Variants in FBXL7 observed in about 807,000 individuals in gnomAD.
The protein encoded by FBXL7 is F-box and leucine rich repeat protein 7.
A neutral mutation model predicts 38.3 loss-of-function variants in FBXL7; 12 were observed. The ratio of observed to expected loss-of-function variants is 0.31; its 90% confidence interval spans 0.20 to 0.51. The LOEUF (loss-of-function observed/expected upper bound fraction) is 0.51, where lower values mean the gene tolerates loss of function less well. FBXL7 is among the 20% of genes least tolerant of loss of function. The probability of loss-of-function intolerance (pLI) is 0.98; values close to 1 mark genes in which losing one functional copy is unlikely to be tolerated. For missense variants in FBXL7, 567 were observed against 676.4 expected (o/e 0.84, Z 1.79); for synonymous variants, 297 against 300.9 (o/e 0.99, Z 0.13).
intron 2 of FBXL7, among the ~76,000 whole-genome samples, chr5:15,862,579 A>G (rs988093346): frequency 6.6e-6 from 1 of 152,190 alleles, no homozygotes; most frequent in African/African-American, 2.4e-5. Flanking sequence ...TCTGTAGAGT[A>G]CCTGAGGTTC....
intron 1 of FBXL7, among the ~76,000 whole-genome samples, chr5:15,580,035 G>A (rs941731588): frequency 2.6e-5 from 4 of 152,136 alleles, no homozygotes; most frequent in African/African-American, 9.7e-5. Flanking sequence ...CCCAATTCAT[G>A]TGTTTAAGCT....
chr5:15,500,691 T>C lies in FBXL7; in HGVS notation c.15T>C (p.Asn5=), dbSNP rs772333735. MGAN[N]GKQYGSEGKG... The stretch of plus-strand genomic sequence containing the variant: ...ACGGCTACAGGATGGGCGCGAACAA[T>C]GGCAAACAGTACGGCAGTGAGGGTG... Residue 5 remains asparagine, a synonymous_variant, in exon 1 of 4, where the codon AAT becomes AAC. Coordinates refer to ENST00000504595, the MANE Select transcript of FBXL7 (RefSeq NM_012304.5). 2 of 1,611,210 alleles carry C rather than the reference T, an allele frequency of 1.2e-6. No individual in the cohort carries two copies. The highest frequency in any genetic ancestry group is 2.7e-5 in the African/African-American group (2 of 74,612).
intron 2 of FBXL7, among the ~76,000 whole-genome samples, chr5:15,836,405 C>T (rs1311025803): frequency 1.3e-5 from 2 of 152,038 alleles, no homozygotes; most frequent in Non-Finnish European, 2.9e-5. Context: ...AAAAGAAAAA[C>T]TAGATCATGT....
At chr5:15,762,313 A>G (rs1736468993) in intron 2 of FBXL7, among the ~76,000 whole-genome samples, 1 of 152,080 alleles carries the variant, frequency 6.6e-6, no homozygotes, top group Admixed American at 6.6e-5. Flanking sequence ...ATAGCCTTTT[A>G]TAACCTAACC....
intron 2 of FBXL7, among the ~76,000 whole-genome samples, chr5:15,830,041 C>A (rs1442552259): frequency 6.6e-6 from 1 of 152,052 alleles, no homozygotes; most frequent in Non-Finnish European, 1.5e-5. Context: ...GTTTTTTGCC[C>A]AGATCTCCCC....
At chr5:15,743,665 C>T (rs1251454462) in intron 2 of FBXL7, among the ~76,000 whole-genome samples, 1 of 152,240 alleles carries the variant, frequency 6.6e-6, no homozygotes, top group African/African-American at 2.4e-5. Flanking sequence ...TTCCATTAAG[C>T]AGTGCCTCAG....
intron 2 of FBXL7, among the ~76,000 whole-genome samples, chr5:15,748,020 A>G (rs540517641): frequency 1.4e-4 from 21 of 152,092 alleles, no homozygotes; most frequent in South Asian, 1.3e-3. Context: ...GTGGTTCTCA[A>G]TCAGGAGTGA....
chr5:15,569,498 G>T (rs1183773743), intron 1 of FBXL7, among the ~76,000 whole-genome samples: 13 of 150,844 alleles, frequency 8.6e-5, no homozygotes, highest in Non-Finnish European at 1.6e-4. Flanking sequence ...GGGCTGAGAC[G>T]ATGGGGTTTT....
chr5:15,851,437 C>T (rs1307460331), intron 2 of FBXL7, among the ~76,000 whole-genome samples: 1 of 152,152 alleles, frequency 6.6e-6, no homozygotes, highest in Non-Finnish European at 1.5e-5. Context: ...TGTCCGCCAA[C>T]AGGCTAGAAC....
At chr5:15,509,069 G>A (rs1736725091) in intron 1 of FBXL7, among the ~76,000 whole-genome samples, 2 of 152,096 alleles carry the variant, frequency 1.3e-5, no homozygotes, top group Non-Finnish European at 2.9e-5. Flanking sequence ...TTTTCACTTC[G>A]AGATGACTTT....
intron 2 of FBXL7, among the ~76,000 whole-genome samples, chr5:15,783,828 G>C (rs1480800908): frequency 6.6e-6 from 1 of 152,222 alleles, no homozygotes; most frequent in Non-Finnish European, 1.5e-5. Flanking sequence ...GGAAGGCTTA[G>C]AGAGGAAAAG....
intron 2 of FBXL7, among the ~76,000 whole-genome samples, chr5:15,902,893 G>C (rs1246350457): frequency 6.6e-6 from 1 of 152,244 alleles, no homozygotes; most frequent in African/African-American, 2.4e-5. Context: ...AATGATGCAG[G>C]CTTCGAGCAG....
chr5:15,595,740 G>A (rs1222109758), intron 1 of FBXL7, among the ~76,000 whole-genome samples: 3 of 152,176 alleles, frequency 2.0e-5, no homozygotes, highest in African/African-American at 7.2e-5. Context: ...GCAAAAAGAT[G>A]TAAATCGAAG....
chr5:15,920,032 G>A (rs1413978216), intron 2 of FBXL7, among the ~76,000 whole-genome samples: 1 of 152,206 alleles, frequency 6.6e-6, no homozygotes, highest in East Asian at 1.9e-4. Context: ...GCTGATGTGG[G>A]CAGATCACAA....
At chr5:15,513,485 A>G (rs1468176419) in intron 1 of FBXL7, among the ~76,000 whole-genome samples, 1 of 152,200 alleles carries the variant, frequency 6.6e-6, no homozygotes, top group Admixed American at 6.5e-5. Context: ...TGCCTTGTGA[A>G]CAAAGGACTT....
chr5:15,565,670 G>T (rs774882881), intron 1 of FBXL7, among the ~76,000 whole-genome samples: 1 of 151,940 alleles, frequency 6.6e-6, no homozygotes, highest in Non-Finnish European at 1.5e-5. Flanking sequence ...CCTGAAACCC[G>T]GGAGAGCTGG....
intron 1 of FBXL7, among the ~76,000 whole-genome samples, chr5:15,563,597 C>G (rs1267771705): frequency 6.6e-6 from 1 of 151,982 alleles, no homozygotes; most frequent in Non-Finnish European, 1.5e-5. Flanking sequence ...GGATGTCATC[C>G]CTCCTTCCTT....
chr5:15,651,104 T>C (rs1467514485), intron 2 of FBXL7, among the ~76,000 whole-genome samples: 6 of 150,664 alleles, frequency 4.0e-5, no homozygotes, highest in African/African-American at 1.5e-4. Flanking sequence ...TTTTTTCTTT[T>C]TTTTTTTTTT....
intron 2 of FBXL7, among the ~76,000 whole-genome samples, chr5:15,702,528 G>A (rs987826469): frequency 6.6e-6 from 1 of 152,020 alleles, no homozygotes; most frequent in Non-Finnish European, 1.5e-5. Context: ...TTCTGCATGT[G>A]CTTTTTTCTG....
Sources: gnomAD v4.1 joint callset for allele counts (sites outside exome capture counted in the v4.1 genomes callset) on GRCh38, gnomAD v4.1.1 for gene constraint, MANE v1.5 for transcripts, NCBI Gene and HGNC (gene_info 2026-07-23, HGNC 2026-07-21) for gene names.